Variants in MACROD2 observed in about 807,000 individuals in gnomAD.
MACROD2 encodes ADP-ribose glycohydrolase MACROD2.
A neutral mutation model predicts 70.4 loss-of-function variants in MACROD2; 36 were observed. The ratio of observed to expected loss-of-function variants is 0.51; its 90% CI spans 0.39 to 0.68. The LOEUF is 0.68. Ranked by LOEUF, MACROD2 falls within the 30% of genes least tolerant of loss-of-function variation. The pLI is 0.00. For missense variants in MACROD2, 496 were observed against 538.4 expected, an observed-to-expected ratio of 0.92 and a Z score of 0.78; for synonymous variants, 172 against 178.8, an observed-to-expected ratio of 0.96 and a Z score of 0.30.
At chr20:15,065,166 C>T (rs1315670478) in intron 5 of MACROD2, among the ~76,000 whole-genome samples, 1 of 152,198 alleles carries the variant, frequency 6.6e-6, no homozygotes, top group Non-Finnish European at 1.5e-5. Flanking sequence ...ACCACCTCTT[C>T]AGATTTCATA....
At chr20:15,835,695 A>G (rs1196322644) in intron 8 of MACROD2, among the ~76,000 whole-genome samples, 2 of 152,212 alleles carry the variant, frequency 1.3e-5, no homozygotes, top group Non-Finnish European at 2.9e-5. Flanking sequence ...CTATTTGAAT[A>G]ATGAGGAAAC....
At chr20:15,158,028 C>G (rs1432311674) in intron 5 of MACROD2, among the ~76,000 whole-genome samples, 2 of 152,044 alleles carry the variant, frequency 1.3e-5, no homozygotes, top group Non-Finnish European at 2.9e-5. Context: ...TCCCTGTGCC[C>G]CCACCACCCC....
intron 5 of MACROD2, among the ~76,000 whole-genome samples, chr20:15,118,834 T>C (rs1303560480): frequency 6.6e-6 from 1 of 152,226 alleles, no homozygotes; most frequent in Admixed American, 6.5e-5. Flanking sequence ...TTATACTTTG[T>C]TGGAAATACA....
chr20:14,495,424 G>T (rs1028284137), intron 4 of MACROD2, among the ~76,000 whole-genome samples: 6 of 152,156 alleles, frequency 3.9e-5, no homozygotes, highest in Admixed American at 6.5e-5. Flanking sequence ...TCTTTAAGCA[G>T]ATTTCCCTGG....
chr20:15,254,060 C>T (rs990252399), intron 6 of MACROD2, among the ~76,000 whole-genome samples: 8 of 152,224 alleles, frequency 5.3e-5, no homozygotes, highest in South Asian at 2.1e-4. Flanking sequence ...AATCATACTC[C>T]GATTTGGTTA....
chr20:15,797,263 G>A (rs957965350), intron 8 of MACROD2, among the ~76,000 whole-genome samples: 4 of 152,078 alleles, frequency 2.6e-5, no homozygotes, highest in African/African-American at 9.7e-5. Context: ...ACAGGCCTCC[G>A]CTACCACGCC....
At chr20:16,024,317 C>A (rs1302692779) in intron 15 of MACROD2, among the ~76,000 whole-genome samples, 3 of 152,118 alleles carry the variant, frequency 2.0e-5, no homozygotes, top group African/African-American at 7.2e-5. Flanking sequence ...AGATTAATAG[C>A]AATTGTAAGG....
intron 5 of MACROD2, among the ~76,000 whole-genome samples, chr20:14,738,874 T>C (rs1039952667): frequency 6.6e-6 from 1 of 151,890 alleles, no homozygotes; most frequent in Non-Finnish European, 1.5e-5. Flanking sequence ...AATACTTTAA[T>C]CAAATTAGAA....
At chr20:15,052,547 G>T (rs1273221471) in intron 5 of MACROD2, among the ~76,000 whole-genome samples, 1 of 152,014 alleles carries the variant, frequency 6.6e-6, no homozygotes, top group Non-Finnish European at 1.5e-5. Flanking sequence ...TTGTTTTGGG[G>T]TGCCACAAAC....
chr20:14,798,571 C>T (rs1468723497), intron 5 of MACROD2, among the ~76,000 whole-genome samples: 1 of 152,048 alleles, frequency 6.6e-6, no homozygotes, highest in Non-Finnish European at 1.5e-5. Context: ...GGTTGTGTAG[C>T]TGCTACCCAT....
intron 3 of MACROD2, among the ~76,000 whole-genome samples, chr20:14,415,683 A>G (rs572292996): frequency 2.0e-5 from 3 of 152,352 alleles, no homozygotes; most frequent in African/African-American, 7.2e-5. Context: ...AAACTCGAAC[A>G]GTATCCAAAG....
intron 5 of MACROD2, among the ~76,000 whole-genome samples, chr20:14,730,916 C>T (rs766299429): frequency 2.6e-5 from 4 of 151,270 alleles, no homozygotes; most frequent in Non-Finnish European, 5.9e-5. Flanking sequence ...ATTAGGTATG[C>T]ATGTTTTACA....
chr20:15,869,238 T>TATATATATATATAG, intron 9 of MACROD2, among the ~76,000 whole-genome samples: 10 of 28,296 alleles, frequency 3.5e-4, no homozygotes, highest in East Asian at 9.4e-4. Flanking sequence ...TATATATATA[T>TATATATATATATAG]AGAGAGAGAG....
Position 14,750,171 on chromosome 20 carries a change from G to A in MACROD2, c.418+65212G>A, listed in dbSNP as rs1348049892. Among the ~76,000 whole-genome samples the A allele has an allele frequency of 2.0e-5, 3 of 151,914 alleles. No individual in the cohort carries two copies. The East Asian group carries it at 5.8e-4, about 29-fold the overall frequency. ...ATCCTTATTGTTTAGCCTCTTAATT[G>A]TATATCTTACAAAAATCTAGATTTA... On this transcript the variant is annotated intron_variant, in intron 5 of 17. Coordinates refer to ENST00000684519, the MANE Select transcript of MACROD2 (RefSeq NM_001351661.2).
chr20:15,134,761 A>G (rs1601120010), intron 5 of MACROD2, among the ~76,000 whole-genome samples: 2 of 152,330 alleles, frequency 1.3e-5, no homozygotes, highest in South Asian at 4.1e-4. Flanking sequence ...ACCCTTCAAA[A>G]AATTAATGAA....
chr20:15,435,332 A>G (rs2046414461), intron 7 of MACROD2, among the ~76,000 whole-genome samples: 1 of 152,178 alleles, frequency 6.6e-6, no homozygotes, highest in Admixed American at 6.5e-5. Context: ...TAATTCATTA[A>G]CAATTCATCT....
At chr20:14,020,999 T>TC (rs1425051557) in intron 2 of MACROD2, among the ~76,000 whole-genome samples, 1 of 146,946 alleles carries the variant, frequency 6.8e-6, no homozygotes, top group Non-Finnish European at 1.5e-5. Flanking sequence ...TTTTTTTTTT[T>TC]TTTTTTTTGA....
chr20:14,859,998 T>G (rs551545215), intron 5 of MACROD2, among the ~76,000 whole-genome samples: 1 of 152,282 alleles, frequency 6.6e-6, no homozygotes, highest in Non-Finnish European at 1.5e-5. Flanking sequence ...GACAACATTC[T>G]TAAAGGTCAT....
chr20:14,559,091 TCTCTACCTA>T (rs1456515226), intron 4 of MACROD2, among the ~76,000 whole-genome samples: 1 of 151,732 alleles, frequency 6.6e-6, no homozygotes, highest in Non-Finnish European at 1.5e-5. Context: ...AATGAGAAGA[TCTCTACCTA>T]AAGAGATAGT....
Sources: allele counts gnomAD v4.1 joint callset (sites outside exome capture counted in the v4.1 genomes callset), GRCh38; gene constraint gnomAD v4.1.1; transcripts MANE v1.5; gene names NCBI Gene and HGNC (gene_info 2026-07-23, HGNC 2026-07-21).